SGCZ: variants seen among roughly 807,000 people sequenced by gnomAD.
SGCZ encodes zeta-sarcoglycan.
SGCZ carries 40 observed loss-of-function variants against 41.3 expected under a neutral mutation model. That is an observed-to-expected ratio of 0.97 (90% CI 0.75 to 1.26). SGCZ has a LOEUF of 1.26. SGCZ is among the 50% of genes most tolerant of loss of function. SGCZ has a pLI of 0.00. For missense variants in SGCZ, 552 were observed against 369.8 expected, an observed-to-expected ratio of 1.49 and a Z score of -4.04; for synonymous variants, 206 against 137.5, an observed-to-expected ratio of 1.50 and a Z score of -3.49.
At chr8:15,184,653 C>A (rs529676432) in intron 1 of SGCZ, among the ~76,000 whole-genome samples, 26 of 152,138 alleles carry the variant, frequency 1.7e-4, no homozygotes, top group Non-Finnish European at 3.1e-4. Flanking sequence ...GAAGAGAGAG[C>A]AGGCGATTTC....
At chr8:15,152,453 A>G (rs1477570328) in intron 1 of SGCZ, among the ~76,000 whole-genome samples, 5 of 152,198 alleles carry the variant, frequency 3.3e-5, no homozygotes, top group African/African-American at 4.8e-5. Flanking sequence ...AGAACAGCCA[A>G]TGCTTACTGG....
intron 5 of SGCZ, among the ~76,000 whole-genome samples, chr8:14,162,996 G>A (rs781215712): frequency 6.6e-6 from 1 of 152,138 alleles, no homozygotes; most frequent in African/African-American, 2.4e-5. Context: ...TCAGCCTCCT[G>A]AGTAGCTGGG....
intron 1 of SGCZ, among the ~76,000 whole-genome samples, chr8:15,059,076 T>A (rs984335445): frequency 6.6e-6 from 1 of 152,168 alleles, no homozygotes; most frequent in Non-Finnish European, 1.5e-5. Flanking sequence ...GGAAGTATTA[T>A]CAGCTAGATT....
At chr8:14,829,837 A>T (rs568195479) in intron 1 of SGCZ, among the ~76,000 whole-genome samples, 18 of 152,002 alleles carry the variant, frequency 1.2e-4, no homozygotes, top group Non-Finnish European at 1.5e-5. Context: ...TTTTGGACGG[A>T]TTCTCGCTCT....
intron 1 of SGCZ, among the ~76,000 whole-genome samples, chr8:14,639,486 G>A (rs192353072): frequency 1.3e-5 from 2 of 151,734 alleles, no homozygotes; most frequent in Non-Finnish European, 3.0e-5. Context: ...CACTCTTACC[G>A]CATTTTCTTT....
At chr8:14,941,743 C>T (rs1043558413) in intron 1 of SGCZ, among the ~76,000 whole-genome samples, 5 of 151,528 alleles carry the variant, frequency 3.3e-5, no homozygotes, top group African/African-American at 1.2e-4. Flanking sequence ...TTATTAGAGA[C>T]TTGATTTTTT....
intron 1 of SGCZ, among the ~76,000 whole-genome samples, chr8:15,097,103 G>A (rs528241810): frequency 3.3e-5 from 5 of 152,154 alleles, no homozygotes; most frequent in African/African-American, 9.6e-5. Context: ...GACATGCATC[G>A]CTGGGATCCA....
At chr8:14,677,706 G>T (rs1808319510) in intron 1 of SGCZ, among the ~76,000 whole-genome samples, 1 of 152,134 alleles carries the variant, frequency 6.6e-6, no homozygotes, top group South Asian at 2.1e-4. Flanking sequence ...GGGAGGCAGA[G>T]GTTGCAGTGA....
chr8:14,976,887 G>A (rs1239004210), intron 1 of SGCZ, among the ~76,000 whole-genome samples: 1 of 152,192 alleles, frequency 6.6e-6, no homozygotes, highest in East Asian at 1.9e-4. Flanking sequence ...AGTGGCTTAA[G>A]TTCTAGAAAA....
In SGCZ at chr8:14,088,966, G is replaced by A. The variant is rs148087535; in HGVS notation, c.*1477C>T. 2.5e-3 allele frequency among the ~76,000 whole-genome samples: 378 copies of A among 151,958 alleles called. 1 individual carries two copies. The highest frequency in any genetic ancestry group is 8.7e-3 in the African/African-American group (362 of 41,510). ...GATAGTGTGCATGAGGGAGAAAAAC[G>A]TTTGATTGACATGTGAAAATTCAGG... On this transcript the variant is annotated 3_prime_UTR_variant, in exon 8 of 8. Coordinates refer to ENST00000382080, the MANE Select transcript of SGCZ (RefSeq NM_139167.4).
chr8:14,505,717 G>A (rs184060125), intron 2 of SGCZ, among the ~76,000 whole-genome samples: 1 of 152,032 alleles, frequency 6.6e-6, no homozygotes, highest in Non-Finnish European at 1.5e-5. Context: ...CACAATTACT[G>A]GTATCCCTGG....
intron 1 of SGCZ, among the ~76,000 whole-genome samples, chr8:14,635,928 G>A (rs1346303795): frequency 6.6e-6 from 1 of 151,914 alleles, no homozygotes; most frequent in Admixed American, 6.6e-5. Context: ...CTGCCGATAT[G>A]CTGTGAGTTA....
At chr8:14,202,141 T>C (rs1051769500) in intron 4 of SGCZ, among the ~76,000 whole-genome samples, 2 of 152,102 alleles carry the variant, frequency 1.3e-5, no homozygotes, top group African/African-American at 4.8e-5. Flanking sequence ...TACAGAGTCC[T>C]TAGGATTTGA....
intron 1 of SGCZ, among the ~76,000 whole-genome samples, chr8:15,204,666 G>T (rs1268872454): frequency 1.3e-5 from 2 of 152,126 alleles, no homozygotes; most frequent in Non-Finnish European, 2.9e-5. Flanking sequence ...CTCATCTCAA[G>T]TCCTGCCCTC....
In SGCZ at chr8:14,313,322, A is replaced by C. The variant is rs185989561; in HGVS notation, c.336+10781T>G. Among the ~76,000 whole-genome samples the C allele has an allele frequency of 4.6e-5, 7 of 152,196 alleles. No homozygotes were observed. The East Asian group carries it at 1.4e-3, about 29-fold the overall frequency. ...CCAGGGCTGATTTTTTAAATTAATT[A>C]ATTTATTTATTTTGAGACACAGACT... On this transcript the variant is annotated intron_variant, in intron 3 of 7. Transcript: ENST00000382080.
intron 2 of SGCZ, among the ~76,000 whole-genome samples, chr8:14,417,251 A>T (rs1429605769): frequency 6.6e-6 from 1 of 151,950 alleles, no homozygotes; most frequent in East Asian, 1.9e-4. Context: ...ATAGGCAAGT[A>T]TAGTCCAAAA....
intron 1 of SGCZ, among the ~76,000 whole-genome samples, chr8:14,608,808 C>A (rs1174728943): frequency 6.6e-6 from 1 of 151,700 alleles, no homozygotes; most frequent in African/African-American, 2.4e-5. Flanking sequence ...GACAAATATT[C>A]GAACCATATC....
intron 1 of SGCZ, among the ~76,000 whole-genome samples, chr8:14,708,671 C>G (rs748357227): frequency 2.6e-4 from 39 of 151,976 alleles, no homozygotes; most frequent in Non-Finnish European, 4.1e-4. Flanking sequence ...CATCGTAAAT[C>G]CAAGTATTAA....
At chr8:14,390,306 TTAA>T in intron 2 of SGCZ, among the ~76,000 whole-genome samples, 1 of 151,906 alleles carries the variant, frequency 6.6e-6, no homozygotes, top group East Asian at 1.9e-4. Context: ...ATTATTTTGT[TTAA>T]TAATTTCATA....
Sources: allele counts gnomAD v4.1 joint callset (sites outside exome capture counted in the v4.1 genomes callset), GRCh38; gene constraint gnomAD v4.1.1; transcripts MANE v1.5; gene names NCBI Gene and HGNC (gene_info 2026-07-23, HGNC 2026-07-21).